The following C13orf42 variants were observed in gnomAD, a reference collection of about 807,000 sequenced individuals.
C13orf42 encodes the protein chromosome 13 open reading frame 42, also known as uncharacterized protein C13orf42.
chr13:51,126,444 G>A (rs945271373), intron 1 of C13orf42, among the ~76,000 whole-genome samples: 22 of 152,178 alleles, frequency 1.4e-4, no homozygotes, highest in Admixed American at 2.0e-4. Flanking sequence ...AGACAGAGAC[G>A]CAGGAGGGCA....
chr13:51,096,905 G>A (rs2137985888), intron 1 of C13orf42, among the ~76,000 whole-genome samples: 1 of 152,252 alleles, frequency 6.6e-6, no homozygotes, highest in South Asian at 2.1e-4. Context: ...TTTCATGTCA[G>A]TCCCTTCTCC....
intron 1 of C13orf42, among the ~76,000 whole-genome samples, chr13:51,100,665 T>C (rs1198702945): frequency 6.6e-6 from 1 of 152,148 alleles, no homozygotes; most frequent in Non-Finnish European, 1.5e-5. Context: ...TTAATGACAG[T>C]ACTTGATGCT....
intron 1 of C13orf42, among the ~76,000 whole-genome samples, chr13:51,154,742 G>A (rs1953812008): frequency 6.6e-6 from 1 of 152,218 alleles, no homozygotes; most frequent in Non-Finnish European, 1.5e-5. Context: ...CTACGTGCCA[G>A]ACCTCGTTGA....
chr13:51,115,476 CTG>C (rs1160666184), upstream of C13orf42, among the ~76,000 whole-genome samples: 45 of 152,308 alleles, frequency 3.0e-4, no homozygotes, highest in Non-Finnish European at 7.4e-5. Context: ...CGGGGATAGT[CTG>C]TGGCACACAC....
chr13:51,109,551 C>A (rs560545917), intron 1 of C13orf42, among the ~76,000 whole-genome samples: 64 of 152,086 alleles, frequency 4.2e-4, no homozygotes, highest in African/African-American at 1.4e-3. Context: ...GAGTTTGAGA[C>A]CAGCCTGAGC....
chr13:51,125,587 A>C (rs1415579017), intron 1 of C13orf42, among the ~76,000 whole-genome samples: 2 of 152,234 alleles, frequency 1.3e-5, no homozygotes, highest in African/African-American at 4.8e-5. Context: ...TATTAAAAAA[A>C]TTCAAGACTC....
At position 51,163,534 on chromosome 13, in the gene C13orf42, G is replaced by C. The variant is rs142159300; in HGVS notation, n.136+8719C>G. On this transcript the variant is annotated intron_variant and non_coding_transcript_variant, in intron 1 of 4. Coordinates refer to the C13orf42 transcript ENST00000433280. The stretch of plus-strand genomic sequence containing the variant: ...GAAAAACCACTACTGTTTGTAAAAA[G>C]CATGCAGTTTCTATAGTATTTTCAC... Among the ~76,000 whole-genome samples the C allele has an allele frequency of 8.3e-4, 127 of 152,258 alleles. 2 individuals carry two copies. The East Asian group carries it at 0.021, about 25-fold the overall frequency.
chr13:51,097,536 C>T (rs1953247891), intron 1 of C13orf42, among the ~76,000 whole-genome samples: 1 of 152,190 alleles, frequency 6.6e-6, no homozygotes, highest in African/African-American at 2.4e-5. Flanking sequence ...TGCCTTCTCA[C>T]ACTTTCCATG....
chr13:51,152,120 G>T (rs1464726746), intron 1 of C13orf42, among the ~76,000 whole-genome samples: 1 of 152,172 alleles, frequency 6.6e-6, no homozygotes, highest in Non-Finnish European at 1.5e-5. Context: ...TGGAAAGAAA[G>T]AAACAGGTTC....
At chr13:51,130,322 A>G (rs1391126537) in intron 1 of C13orf42, among the ~76,000 whole-genome samples, 1 of 152,190 alleles carries the variant, frequency 6.6e-6, no homozygotes, top group Non-Finnish European at 1.5e-5. Context: ...GATTCTAGAT[A>G]AGGCCTGGGA....
intron 1 of C13orf42, among the ~76,000 whole-genome samples, chr13:51,144,937 C>T (rs149084459): frequency 8.5e-5 from 13 of 152,288 alleles, no homozygotes; most frequent in African/African-American, 2.4e-5. Context: ...GTATAATAAG[C>T]AAACCAGTCT....
chr13:51,128,623 A>G (rs1048631032), intron 1 of C13orf42, among the ~76,000 whole-genome samples: 6 of 152,182 alleles, frequency 3.9e-5, no homozygotes, highest in Non-Finnish European at 8.8e-5. Flanking sequence ...CCTAAGATTT[A>G]GGGGGTTAGA....
At chr13:51,126,796 A>G (rs1953581123) in intron 1 of C13orf42, among the ~76,000 whole-genome samples, 1 of 152,236 alleles carries the variant, frequency 6.6e-6, no homozygotes, top group Non-Finnish European at 1.5e-5. Flanking sequence ...ACCAAGGCCA[A>G]TGCCACACCT....
intron 1 of C13orf42, among the ~76,000 whole-genome samples, chr13:51,105,636 GGACA>G (rs1953345219): frequency 6.6e-6 from 1 of 152,166 alleles, no homozygotes; most frequent in Non-Finnish European, 1.5e-5. Flanking sequence ...CTTCCAGCAA[GGACA>G]GAGCCAAATC....
intron 1 of C13orf42, among the ~76,000 whole-genome samples, chr13:51,158,146 A>C (rs1953838363): frequency 6.6e-6 from 1 of 152,220 alleles, no homozygotes; most frequent in Admixed American, 6.5e-5. Flanking sequence ...AACTGAAACC[A>C]GTTAAGTAAA....
upstream of C13orf42, among the ~76,000 whole-genome samples, chr13:51,113,007 C>A (rs1256026743): frequency 6.6e-6 from 1 of 152,198 alleles, no homozygotes; most frequent in African/African-American, 2.4e-5. Flanking sequence ...CAGGCTATGA[C>A]TACACAGCCT....
At chr13:51,119,632 C>G (rs143348136) in intron 1 of C13orf42, among the ~76,000 whole-genome samples, 81 of 152,248 alleles carry the variant, frequency 5.3e-4, no homozygotes, top group Middle Eastern at 3.4e-3. Flanking sequence ...AGACATGATG[C>G]GACGTGAAAT....
intron 1 of C13orf42, among the ~76,000 whole-genome samples, chr13:51,168,632 A>C (rs566362909): frequency 2.0e-5 from 3 of 152,320 alleles, no homozygotes; most frequent in Admixed American, 2.0e-4. Context: ...GGTCCCCATC[A>C]CCAATGACAT....
intron 1 of C13orf42, among the ~76,000 whole-genome samples, chr13:51,149,080 T>A (rs1394920403): frequency 1.3e-5 from 2 of 152,174 alleles, no homozygotes; most frequent in African/African-American, 2.4e-5. Context: ...GAGGCCTTCT[T>A]GTGCTCCACA....
Sources: allele counts gnomAD v4.1 joint callset (sites outside exome capture counted in the v4.1 genomes callset), GRCh38; gene constraint gnomAD v4.1.1; transcripts MANE v1.5; gene names NCBI Gene and HGNC (gene_info 2026-07-23, HGNC 2026-07-21).